The following UNC13C variants were observed in gnomAD, a reference collection of about 807,000 sequenced individuals.
The protein encoded by UNC13C is protein unc-13 homolog C.
In UNC13C, 174 loss-of-function variants were observed where a neutral mutation model predicts 245.4. The ratio of observed to expected loss-of-function variants is 0.71; its 90% CI spans 0.63 to 0.80. UNC13C has a LOEUF of 0.80. UNC13C is among the 30% of genes least tolerant of loss of function. The pLI is 0.00. For missense variants in UNC13C, 2,829 were observed against 2,602.9 expected (o/e 1.09, Z -1.89); for synonymous variants, 992 against 895.1 (o/e 1.11, Z -1.93).
intron 4 of UNC13C, among the ~76,000 whole-genome samples, chr15:54,220,619 A>T (rs571884672): frequency 4.1e-4 from 61 of 150,434 alleles, no homozygotes; most frequent in East Asian, 3.3e-3. Context: ...AAAAAAAATT[A>T]AAAAAATGCA....
intron 30 of UNC13C, among the ~76,000 whole-genome samples, chr15:54,585,163 T>C (rs958145676): frequency 2.0e-5 from 3 of 152,170 alleles, no homozygotes; most frequent in African/African-American, 7.2e-5. Context: ...AATCTCATGT[T>C]GAAATGTGAT....
chr15:54,076,940 A>T (rs990539495), intron 2 of UNC13C, among the ~76,000 whole-genome samples: 8 of 152,204 alleles, frequency 5.3e-5, no homozygotes, highest in African/African-American at 1.9e-4. Context: ...GTCTTTATGA[A>T]TTGTTATATT....
intron 18 of UNC13C, among the ~76,000 whole-genome samples, chr15:54,394,843 A>G (rs1480652242): frequency 6.6e-6 from 1 of 151,906 alleles, no homozygotes; most frequent in Non-Finnish European, 1.5e-5. Context: ...GCCACAAAAT[A>G]TATACAAAGA....
At chr15:54,181,605 G>C (rs1341462123) in intron 4 of UNC13C, among the ~76,000 whole-genome samples, 1 of 151,964 alleles carries the variant, frequency 6.6e-6, no homozygotes, top group African/African-American at 2.4e-5. Flanking sequence ...AGTTCAATAG[G>C]AATAGCATTG....
chr15:53,928,359 C>G, the UNC13C span, among the ~76,000 whole-genome samples: 3 of 152,142 alleles, frequency 2.0e-5, no homozygotes, highest in South Asian at 4.2e-4. Context: ...AGATACAGAT[C>G]TCTCATGTTA....
chr15:54,199,357 T>A (rs999839387), intron 4 of UNC13C, among the ~76,000 whole-genome samples: 1 of 152,056 alleles, frequency 6.6e-6, no homozygotes, highest in African/African-American at 2.4e-5. Flanking sequence ...GGGAAATTCA[T>A]TGTAAAATGA....
At chr15:54,135,448 C>A (rs925949966) in intron 2 of UNC13C, among the ~76,000 whole-genome samples, 10 of 152,180 alleles carry the variant, frequency 6.6e-5, no homozygotes, top group African/African-American at 2.4e-4. Context: ...AGGTCCTACA[C>A]TTAAGAATCC....
At chr15:54,449,156 A>G (rs1267777212) in intron 19 of UNC13C, among the ~76,000 whole-genome samples, 1 of 152,156 alleles carries the variant, frequency 6.6e-6, no homozygotes. Context: ...TGTTAGTCTT[A>G]TGGGCTTCCC....
intron 18 of UNC13C, among the ~76,000 whole-genome samples, chr15:54,399,714 C>T (rs2140927305): frequency 6.6e-6 from 1 of 151,740 alleles, no homozygotes; most frequent in East Asian, 1.9e-4. Context: ...CTATTTTTCC[C>T]CTCTCGGGGT....
At chr15:54,283,377 A>G (rs2037050520) in intron 10 of UNC13C, among the ~76,000 whole-genome samples, 1 of 152,256 alleles carries the variant, frequency 6.6e-6, no homozygotes, top group Admixed American at 6.5e-5. Flanking sequence ...TATTAGAATC[A>G]TTATAATCCC....
chr15:54,590,762 T>A (rs1240133228), intron 30 of UNC13C, among the ~76,000 whole-genome samples: 2 of 152,202 alleles, frequency 1.3e-5, no homozygotes, highest in Admixed American at 1.3e-4. Context: ...ACTTCCTCTT[T>A]AACTATTTAG....
intron 30 of UNC13C, among the ~76,000 whole-genome samples, chr15:54,576,039 A>C (rs1239700620): frequency 6.6e-6 from 1 of 152,236 alleles, no homozygotes; most frequent in Non-Finnish European, 1.5e-5. Context: ...CCAAAAGTAG[A>C]AATGGCAAAT....
intron 10 of UNC13C, among the ~76,000 whole-genome samples, chr15:54,267,214 G>C (rs1002784718): frequency 2.1e-5 from 3 of 144,978 alleles, no homozygotes; most frequent in African/African-American, 5.8e-5. Context: ...GGAATGAATA[G>C]CTGAATCACG....
chr15:54,305,313 A>AGGGT (rs2037697454), intron 13 of UNC13C, among the ~76,000 whole-genome samples: 1 of 152,114 alleles, frequency 6.6e-6, no homozygotes, highest in Non-Finnish European at 1.5e-5. Flanking sequence ...TGCTGTAATA[A>AGGGT]GGGTGAGAGC....
chr15:54,160,240 C>G (rs939679868), intron 4 of UNC13C, among the ~76,000 whole-genome samples: 6 of 151,442 alleles, frequency 4.0e-5, no homozygotes, highest in Non-Finnish European at 8.8e-5. Flanking sequence ...TAGTGAGGAT[C>G]TAGGTCATGG....
intron 23 of UNC13C, among the ~76,000 whole-genome samples, chr15:54,508,809 T>A (rs573736332): frequency 7.2e-5 from 11 of 152,350 alleles, no homozygotes; most frequent in Admixed American, 5.9e-4. Flanking sequence ...TCAAGATCAC[T>A]GAAACTTGTA....
intron 16 of UNC13C, among the ~76,000 whole-genome samples, chr15:54,336,396 G>T (rs1354888248): frequency 6.6e-6 from 1 of 151,818 alleles, no homozygotes; most frequent in African/African-American, 2.4e-5. Context: ...TCAGATATGT[G>T]ATTTGCTATT....
chr15:54,028,224 C>G (rs538789553), intron 2 of UNC13C, among the ~76,000 whole-genome samples: 4 of 152,254 alleles, frequency 2.6e-5, no homozygotes, highest in African/African-American at 9.6e-5. Flanking sequence ...GAACTATTTT[C>G]TCCTTTTATT....
chr15:54,048,681 A>G (rs1269900900), intron 2 of UNC13C: 1 of 325,342 alleles, frequency 3.1e-6, no homozygotes, highest in East Asian at 7.4e-5. Context: ...TTGCTCCTCA[A>G]CAAAGCAGCA....
Sources: gnomAD v4.1 joint callset for allele counts (sites outside exome capture counted in the v4.1 genomes callset) on GRCh38, gnomAD v4.1.1 for gene constraint, MANE v1.5 for transcripts, NCBI Gene and HGNC (gene_info 2026-07-23, HGNC 2026-07-21) for gene names.